MIS18A: variants seen among roughly 807,000 people sequenced by gnomAD.
MIS18A encodes MIS18 kinetochore protein A.
In MIS18A, 14 loss-of-function variants were observed where a neutral mutation model predicts 25.0. The ratio of observed to expected loss-of-function variants is 0.56; its 90% CI spans 0.37 to 0.88. MIS18A has a LOEUF of 0.88. MIS18A is among the 40% of genes least tolerant of loss of function. The pLI is 0.00. For missense variants in MIS18A, 292 were observed against 290.8 expected (o/e 1.00, Z -0.03); for synonymous variants, 134 against 118.6 (o/e 1.13, Z -0.84).
At chr21:32,237,200 C>G in the MIS18A span, among the ~76,000 whole-genome samples, 140 of 152,282 alleles carry the variant, frequency 9.2e-4, 2 homozygotes, top group South Asian at 0.013. Flanking sequence ...CAGCAATGTT[C>G]CAGACAGGCT....
the MIS18A span, among the ~76,000 whole-genome samples, chr21:32,207,612 C>T: frequency 6.6e-6 from 1 of 152,054 alleles, no homozygotes; most frequent in East Asian, 1.9e-4. Flanking sequence ...GCCTCTCTTG[C>T]TAACAGTTCA....
the MIS18A span, chr21:32,156,553 A>G: frequency 6.6e-6 from 1 of 152,132 alleles, no homozygotes; most frequent in South Asian, 2.1e-4. Context: ...ACCCACTTTT[A>G]TAAGACATTT....
At chr21:32,268,045 G>T (rs1466511363), downstream of MIS18A, among the ~76,000 whole-genome samples, 1 of 152,306 alleles carries the variant, frequency 6.6e-6, no homozygotes, top group African/African-American at 2.4e-5. Context: ...ATACCACTGA[G>T]TACTGTTCCG....
the MIS18A span, among the ~76,000 whole-genome samples, chr21:32,256,218 A>G: frequency 1.3e-5 from 2 of 152,178 alleles, no homozygotes; most frequent in South Asian, 4.1e-4. Flanking sequence ...TCACAAAACC[A>G]TTGACTGGGC....
At chr21:32,198,549 G>A in the MIS18A span, among the ~76,000 whole-genome samples, 110 of 152,288 alleles carry the variant, frequency 7.2e-4, 2 homozygotes, top group South Asian at 0.018. Context: ...CTGTTGCCCC[G>A]GGCCCGAAGC....
At chr21:32,191,084 C>T in the MIS18A span, among the ~76,000 whole-genome samples, 5 of 152,148 alleles carry the variant, frequency 3.3e-5, no homozygotes, top group South Asian at 2.1e-4. Context: ...CTTGGAGAGC[C>T]GTAGCCATCT....
At chr21:32,206,499 T>C in the MIS18A span, among the ~76,000 whole-genome samples, 1 of 152,188 alleles carries the variant, frequency 6.6e-6, no homozygotes, top group South Asian at 2.1e-4. Context: ...TCTTTTGTCT[T>C]GGAGTTTTAG....
the MIS18A span, among the ~76,000 whole-genome samples, chr21:32,203,456 C>T: frequency 1.6e-4 from 24 of 149,154 alleles, no homozygotes; most frequent in African/African-American, 5.7e-4. Flanking sequence ...GGGTGAAACT[C>T]AGAATGGTAC....
At chr21:32,195,410 C>T in the MIS18A span, among the ~76,000 whole-genome samples, 1 of 152,188 alleles carries the variant, frequency 6.6e-6, no homozygotes, top group African/African-American at 2.4e-5. Flanking sequence ...CTCCTGAATT[C>T]TGAGGCCTTT....
the MIS18A span, among the ~76,000 whole-genome samples, chr21:32,172,278 T>C: frequency 6.6e-6 from 1 of 152,070 alleles, no homozygotes; most frequent in Admixed American, 6.5e-5. Context: ...GATACAATAA[T>C]CCTTTTTCTG....
the MIS18A span, chr21:32,260,639 A>C: frequency 6.5e-6 from 1 of 152,724 alleles, no homozygotes; most frequent in Non-Finnish European, 1.5e-5. Context: ...AGGAGGCAGG[A>C]GGCCACTGGG....
chr21:32,255,784 G>C, the MIS18A span, among the ~76,000 whole-genome samples: 1 of 151,706 alleles, frequency 6.6e-6, no homozygotes, highest in East Asian at 2.0e-4. Flanking sequence ...CTAGCTACTC[G>C]GGAGGTTGAG....
At chr21:32,244,057 C>T in the MIS18A span, among the ~76,000 whole-genome samples, 4 of 152,312 alleles carry the variant, frequency 2.6e-5, no homozygotes, top group East Asian at 5.8e-4. Context: ...TACATCCATA[C>T]AATGGATAAC....
the MIS18A span, among the ~76,000 whole-genome samples, chr21:32,179,605 C>A: frequency 1.3e-5 from 2 of 152,190 alleles, no homozygotes; most frequent in Non-Finnish European, 2.9e-5. Context: ...GCCAGATCAC[C>A]CATGCATTCA....
intron 2 of MIS18A, among the ~76,000 whole-genome samples, chr21:32,271,933 C>A (rs1014431625): frequency 1.1e-4 from 16 of 152,264 alleles, no homozygotes; most frequent in Middle Eastern, 3.4e-3. Flanking sequence ...CTCAGAGAAA[C>A]CAGAGGCTTG....
the MIS18A span, among the ~76,000 whole-genome samples, chr21:32,160,015 G>A: frequency 6.6e-6 from 1 of 152,182 alleles, no homozygotes; most frequent in African/African-American, 2.4e-5. Context: ...GGGGAAAGGG[G>A]ATTCTCTATA....
chr21:32,194,173 C>G, the MIS18A span, among the ~76,000 whole-genome samples: 16 of 152,216 alleles, frequency 1.1e-4, 1 homozygote, highest in South Asian at 2.3e-3. Flanking sequence ...CCACGCAAGC[C>G]CTGAACCTGT....
the MIS18A span, among the ~76,000 whole-genome samples, chr21:32,242,159 C>T: frequency 3.9e-5 from 6 of 152,372 alleles, no homozygotes; most frequent in East Asian, 3.9e-4. Flanking sequence ...GGATTACAGG[C>T]GCGAGCCATC....
At chr21:32,182,749 G>A in the MIS18A span, among the ~76,000 whole-genome samples, 1 of 152,176 alleles carries the variant, frequency 6.6e-6, no homozygotes, top group Non-Finnish European at 1.5e-5. Context: ...GTGAAGCTGG[G>A]TGGGGCAAGT....
Sources: gnomAD v4.1 joint callset for allele counts (sites outside exome capture counted in the v4.1 genomes callset) on GRCh38, gnomAD v4.1.1 for gene constraint, MANE v1.5 for transcripts, NCBI Gene and HGNC (gene_info 2026-07-23, HGNC 2026-07-21) for gene names.